Variants in CLPTM1 observed in about 807,000 individuals in gnomAD.
CLPTM1 encodes the protein CLPTM1 regulator of GABA type A receptor forward trafficking.
A neutral mutation model predicts 77.3 loss-of-function variants in CLPTM1; 21 were observed. That is an observed-to-expected ratio of 0.27 (90% CI 0.19 to 0.39). The LOEUF (loss-of-function observed/expected upper bound fraction) is 0.39, where lower values mean the gene tolerates loss of function less well. Among genes scored for constraint, CLPTM1 ranks in the 10% least tolerant of loss-of-function variants. The pLI is 1.00. For missense variants in CLPTM1, 642 were observed against 921.2 expected (o/e 0.70, Z 3.92); for synonymous variants, 373 against 381.0 (o/e 0.98, Z 0.24).
chr19:44,955,338 C>A (rs2122223616), upstream of CLPTM1: 5 of 1,242,790 alleles, frequency 4.0e-6, no homozygotes, highest in East Asian at 3.5e-5. Context: ...CGCGATTGCG[C>A]TGCGAAGTCG....
chr19:44,993,031 G>A lies in CLPTM1; in HGVS notation c.*134G>A. 1 of 1,152,192 alleles carries A rather than the reference G, an allele frequency of 8.7e-7. No homozygotes were observed. The highest frequency in any genetic ancestry group is 1.3e-6 in the Non-Finnish European group (1 of 792,800). 71.4% of individuals were successfully genotyped at this position (1,152,192 alleles called of 1,614,324 possible). On this transcript the variant is annotated 3_prime_UTR_variant, in exon 14 of 14. Coordinates refer to ENST00000337392, the MANE Select transcript of CLPTM1 (RefSeq NM_001294.4). ...CGGTGGGAGGCCCGCCTCAGGTCAG[G>A]GCCCAGCGTGTGATGTAGGGGCCGG... is the stretch of plus-strand genomic sequence containing the variant.
In CLPTM1 at chr19:44,977,332, G is replaced by A. The variant is rs368041807; in HGVS notation, c.469-11G>A. The A allele has an allele frequency of 1.9e-5, 31 of 1,604,262 alleles. No homozygotes were observed. Among genetic ancestry groups the A allele is most frequent in the African/African-American group, 1.2e-4 (9 of 74,820 alleles). On this transcript the variant is annotated splice_polypyrimidine_tract_variant and intron_variant, in intron 4 of 13. Transcript: ENST00000337392. Reference sequence around the variant, plus strand: ...GCCCAGCCTGCCCACCTGACCTTCCGTCTTTTGCAGAGCGTCCAGCAGAAC... The same window carrying A: ...GCCCAGCCTGCCCACCTGACCTTCCATCTTTTGCAGAGCGTCCAGCAGAAC...
Position 44,992,400 on chromosome 19 carries a change from G to A in CLPTM1, c.1723G>A (p.Asp575Asn), listed in dbSNP as rs1600051127. The A allele has an allele frequency of 1.2e-6, 2 of 1,614,066 alleles. No individual in the cohort carries two copies. The highest frequency in any genetic ancestry group is 1.7e-6 in the Non-Finnish European group (2 of 1,179,972). ...VMYRIGCLRD[D>N]VVFFIYLYQR... is the part of the protein sequence containing the mutation. Reference sequence around the variant, plus strand: ...GTACCGGATCGGCTGCCTGCGGGACGGTGAGGCCCGGTGGGCAGGTGGGAG... The same window carrying A: ...GTACCGGATCGGCTGCCTGCGGGACAGTGAGGCCCGGTGGGCAGGTGGGAG... Residue 575 changes from aspartate to asparagine, a missense_variant and splice_region_variant, in exon 13 of 14, where the codon GAT becomes AAT. By Grantham distance (23) the Asp-to-Asn change is conservative. Around this residue, in one of 2 missense-constraint regions of CLPTM1, gnomAD observed 521 missense variants for 800.4 expected, o/e 0.65. Coordinates refer to ENST00000337392, the MANE Select transcript of CLPTM1 (RefSeq NM_001294.4). The surrounding 1 kb of genome is among the most constrained non-coding windows in gnomAD (Gnocchi z 7.7).
intron 1 of CLPTM1, among the ~76,000 whole-genome samples, chr19:44,959,831 T>C (rs562226450): frequency 6.6e-6 from 1 of 152,366 alleles, no homozygotes; most frequent in East Asian, 1.9e-4. Flanking sequence ...CCAGCACTTG[T>C]GATTGTCTTT....
chr19:44,967,630 C>T (rs1406895383), intron 2 of CLPTM1, among the ~76,000 whole-genome samples: 1 of 150,446 alleles, frequency 6.6e-6, no homozygotes, highest in Non-Finnish European at 1.5e-5. Flanking sequence ...TTACTCCAGC[C>T]TGGGCAACAA....
intron 2 of CLPTM1, among the ~76,000 whole-genome samples, chr19:44,972,198 A>G (rs995792951): frequency 1.9e-4 from 29 of 151,344 alleles, no homozygotes; most frequent in African/African-American, 6.8e-4. Flanking sequence ...GTGTAATTAA[A>G]TTACTATTGA....
intron 5 of CLPTM1, among the ~76,000 whole-genome samples, 190 bp from the exon 6 acceptor site, chr19:44,985,028 T>C (rs545723801): frequency 6.6e-6 from 1 of 152,204 alleles, no homozygotes; most frequent in Admixed American, 6.5e-5. Context: ...CCCATGATCA[T>C]GAGGAACTGG....
rs1971068168 is a variant in CLPTM1 at position 44,991,130 on chromosome 19, T to C, written c.1420-108T>C. ...CGGAGTCCCCAGGGCTACCTGGAAA[T>C]TCCCCCTGCCCGGCCTGCCAGACCA... On this transcript the variant is annotated intron_variant, in intron 11 of 13. Coordinates refer to ENST00000337392, the MANE Select transcript of CLPTM1 (RefSeq NM_001294.4). The surrounding 1 kb of genome is among the most constrained non-coding windows in gnomAD (Gnocchi z 5.4). The C allele has an allele frequency of 3.2e-6, 5 of 1,558,804 alleles. No individual in the cohort carries two copies. Among genetic ancestry groups the C allele is most frequent in the Middle Eastern group, 2.0e-4 (1 of 4,910 alleles).
intron 1 of CLPTM1, among the ~76,000 whole-genome samples, chr19:44,957,722 T>C (rs1970485514): frequency 6.6e-6 from 1 of 152,206 alleles, no homozygotes. Flanking sequence ...GCCCAGGGCC[T>C]AGTGCACAGC....
chr19:44,954,900 C>G, upstream of CLPTM1: 1 of 1,365,504 alleles, frequency 7.3e-7, no homozygotes, highest in South Asian at 1.3e-5. Context: ...GACAAGGGTG[C>G]TGGGCAAAAG....
rs1568391421 is a variant in CLPTM1, at chr19:44,992,939, A to G, written c.*42A>G. On this transcript the variant is annotated 3_prime_UTR_variant, in exon 14 of 14. Coordinates refer to ENST00000337392, the MANE Select transcript of CLPTM1 (RefSeq NM_001294.4). The surrounding 1 kb of genome is among the most constrained non-coding windows in gnomAD (Gnocchi z 7.7). ...CCTGCTCCGGCTCCTGGCGACCACT[A>G]CCCCTGCGTCCCGGCCCCCTCGCCT... 6.9e-6 allele frequency: 11 copies of G among 1,591,520 alleles called. No homozygotes were observed. The highest frequency in any genetic ancestry group is 1.7e-5 in the Admixed American group (1 of 57,730).
Position 44,976,969 on chromosome 19 carries a change from G to A in CLPTM1, c.469-374G>A, listed in dbSNP as rs145745866. 2.2e-4 allele frequency among the ~76,000 whole-genome samples: 34 copies of A among 152,234 alleles called. 1 individual carries two copies. Among genetic ancestry groups the A allele is most frequent in the Non-Finnish European group, 4.0e-4 (27 of 68,002 alleles). ...TGGCCCATAGTAGGAGCTCCATGTC[G>A]GTCAGCTGCTTCTTCCTGTTGAGTG... On this transcript the variant is annotated intron_variant, in intron 4 of 13. Transcript: ENST00000337392.
rs773874777 is a variant in CLPTM1, at chr19:44,988,148, C to T, written c.1107C>T (p.Val369=). Residue 369 remains valine, a synonymous_variant, in exon 9 of 14, where the codon GTC becomes GTT. Transcript: ENST00000337392. ...TCATCGTGTCTATCGTTCACAGTGT[C>T]TTCGAGTTCCTGGCCTTCAAGAATG... ...LTIIVSIVHS[V]FEFLAFKNDI... 1.9e-6 allele frequency: 3 copies of T among 1,613,900 alleles called. No individual in the cohort carries two copies. In the East Asian group the frequency reaches 6.7e-5, roughly 36 times the overall value.
intron 1 of CLPTM1, among the ~76,000 whole-genome samples, chr19:44,957,325 C>T (rs1024723930): frequency 6.6e-6 from 1 of 152,248 alleles, no homozygotes; most frequent in Non-Finnish European, 1.5e-5. Flanking sequence ...CCAGCCCTGC[C>T]CTACTGGGTT....
At chr19:44,955,547 C>T (rs1039532439) in intron 1 of CLPTM1, 80 bp downstream of exon 1, 1 of 1,198,784 alleles carries the variant, frequency 8.3e-7, no homozygotes, top group Non-Finnish European at 1.0e-6. Flanking sequence ...CCTCTTGTCA[C>T]GGAATCCCGT....
upstream of CLPTM1, chr19:44,954,621 T>C: frequency 9.4e-7 from 1 of 1,068,050 alleles, no homozygotes; most frequent in East Asian, 7.4e-5. Context: ...GATGGCCGGG[T>C]TTAGAGCTGT....
At chr19:44,981,238 A>G (rs1263635399) in intron 5 of CLPTM1, among the ~76,000 whole-genome samples, 3 of 151,754 alleles carry the variant, frequency 2.0e-5, no homozygotes, top group Non-Finnish European at 2.9e-5. Flanking sequence ...TCCACCTCCC[A>G]GGTTCAAGCA....
At chr19:44,979,141 G>A (rs1037302107) in intron 5 of CLPTM1, among the ~76,000 whole-genome samples, 2 of 151,918 alleles carry the variant, frequency 1.3e-5, no homozygotes, top group Non-Finnish European at 1.5e-5. Context: ...CACTACGCCC[G>A]GCTAGTTTTT....
chr19:44,960,478 G>A (rs922807463), intron 1 of CLPTM1, among the ~76,000 whole-genome samples: 10 of 152,300 alleles, frequency 6.6e-5, no homozygotes, highest in East Asian at 1.9e-4. Context: ...AGCCAAGAAC[G>A]GTGGGACCAG....
Sources: allele counts gnomAD v4.1 joint callset (sites outside exome capture counted in the v4.1 genomes callset), GRCh38; gene constraint gnomAD v4.1.1; regional missense constraint gnomAD v4.1.1; non-coding constraint Gnocchi (gnomAD v3.1); transcripts MANE v1.5; gene names NCBI Gene and HGNC (gene_info 2026-07-23, HGNC 2026-07-21).